Variants in RFX2 observed in about 807,000 individuals in gnomAD.
The protein encoded by RFX2 is regulatory factor X2.
RFX2 carries 20 observed loss-of-function variants against 87.8 expected under a neutral mutation model. That is an observed-to-expected ratio of 0.23 (90% CI 0.16 to 0.33). RFX2 has a LOEUF of 0.33. Ranked by LOEUF, RFX2 falls within the 10% of genes least tolerant of loss-of-function variation. RFX2 has a pLI of 1.00. For missense variants in RFX2, 767 were observed against 1,012.3 expected (o/e 0.76, Z 3.29); for synonymous variants, 397 against 431.3 (o/e 0.92, Z 0.98).
chr19:6,037,177 G>A (rs552804562), intron 5 of RFX2, among the ~76,000 whole-genome samples: 3 of 151,940 alleles, frequency 2.0e-5, no homozygotes, highest in East Asian at 3.9e-4. Context: ...CCAGCTACTC[G>A]GGAGGCTGAG....
At position 6,024,746 on chromosome 19, in the gene RFX2, GT is replaced by G. The variant is rs1176554187; in HGVS notation, c.597+1416del. Among the ~76,000 whole-genome samples the G allele has an allele frequency of 6.6e-6, 1 of 151,510 alleles. No individual in the cohort carries two copies. The highest frequency in any genetic ancestry group is 1.5e-5 in the Non-Finnish European group (1 of 67,970). On this transcript the variant is annotated intron_variant, in intron 6 of 17. Transcript: ENST00000303657. This position sits in a 1 kb window ranked among gnomAD's most constrained non-coding sequence, Gnocchi z 5.0. ...GGACGGGAGTGAGGACGGGATCACG[GT>G]GAGGACGGGAGTGAGGACGGGATCA...
At chr19:6,032,571 G>T (rs1407451774) in intron 5 of RFX2, among the ~76,000 whole-genome samples, 1 of 152,214 alleles carries the variant, frequency 6.6e-6, no homozygotes, top group Non-Finnish European at 1.5e-5. Flanking sequence ...GGGCTGAGAG[G>T]CTGGGGGAGG....
intron 13 of RFX2, among the ~76,000 whole-genome samples, chr19:6,003,760 C>T (rs1369053836): frequency 8.7e-6 from 1 of 114,506 alleles, no homozygotes; most frequent in Non-Finnish European, 1.6e-5. Flanking sequence ...GCCTGGGCGA[C>T]AGAGTGAGAC....
chr19:6,008,357 T>C, intron 9 of RFX2, 133 bp from the exon 10 acceptor site: 2 of 487,088 alleles, frequency 4.1e-6, no homozygotes, highest in Admixed American at 3.7e-5. Flanking sequence ...AATTTGTTTT[T>C]TCTTTCTTTT....
chr19:6,038,396 G>A (rs1003896876), intron 5 of RFX2, among the ~76,000 whole-genome samples: 2 of 147,746 alleles, frequency 1.4e-5, no homozygotes, highest in African/African-American at 5.0e-5. Context: ...AAGAAAACAG[G>A]AGAAAATCTT....
Position 6,014,390 on chromosome 19 carries a change from C to T in RFX2, c.780-1285G>A, listed in dbSNP as rs2086697593. ...TAGCTGGGATTACAGGTATGTGACACCATGCCTGGCTAATTTTTTTGTATT... is the reference window on the plus strand; with the variant it reads ...TAGCTGGGATTACAGGTATGTGACATCATGCCTGGCTAATTTTTTTGTATT... On this transcript the variant is annotated intron_variant, in intron 7 of 17. Transcript: ENST00000303657. Among the ~76,000 whole-genome samples the T allele has an allele frequency of 2.6e-5, 4 of 152,262 alleles. No individual in the cohort carries two copies. The South Asian group carries it at 8.3e-4, about 32-fold the overall frequency.
intron 1 of RFX2, among the ~76,000 whole-genome samples, chr19:6,100,604 G>A (rs1456743311): frequency 6.6e-6 from 1 of 152,088 alleles, no homozygotes; most frequent in Non-Finnish European, 1.5e-5. Context: ...AGAGAAGTAG[G>A]CTCATGCAGG....
intron 1 of RFX2, among the ~76,000 whole-genome samples, chr19:6,055,474 A>C (rs1219235369): frequency 6.6e-6 from 1 of 152,234 alleles, no homozygotes; most frequent in Non-Finnish European, 1.5e-5. Flanking sequence ...CTCAGGATAA[A>C]GTACAGTGGC....
In RFX2 at chr19:6,064,200, G is replaced by T. The variant is rs1187838008; in HGVS notation, c.-8-16696C>A. 6.6e-6 allele frequency among the ~76,000 whole-genome samples: 1 copy of T among 152,216 alleles called. No individual in the cohort carries two copies. Among genetic ancestry groups the T allele is most frequent in the Non-Finnish European group, 1.5e-5 (1 of 68,030 alleles). ...CCCGCCTGCTCCGGGCTGCTCACCTGTTCTAGCCACCTTCACCATGTTGGC... is the reference window on the plus strand; with the variant it reads ...CCCGCCTGCTCCGGGCTGCTCACCTTTTCTAGCCACCTTCACCATGTTGGC... On this transcript the variant is annotated intron_variant, in intron 1 of 17. Coordinates refer to ENST00000303657, the MANE Select transcript of RFX2 (RefSeq NM_000635.4). The surrounding 1 kb of genome is among the most constrained non-coding windows in gnomAD (Gnocchi z 4.8).
intron 1 of RFX2, among the ~76,000 whole-genome samples, chr19:6,052,298 A>C (rs145083977): frequency 0.011 from 1,685 of 152,332 alleles, 13 homozygotes; most frequent in Middle Eastern, 0.027. Flanking sequence ...ACTGCAGATA[A>C]AATTTCATCA....
intron 1 of RFX2, among the ~76,000 whole-genome samples, chr19:6,062,546 G>A (rs951329233): frequency 3.3e-5 from 5 of 152,218 alleles, no homozygotes; most frequent in East Asian, 1.9e-4. Context: ...CCCGACCTAC[G>A]TGGAGCTTCC....
At chr19:6,073,134 C>T (rs1006093381) in intron 1 of RFX2, 11 of 443,708 alleles carry the variant, frequency 2.5e-5, no homozygotes, top group African/African-American at 1.8e-4. Flanking sequence ...CTCCCACCAC[C>T]ATGCCTGGCT....
intron 1 of RFX2, chr19:6,073,520 G>A (rs1471419682): frequency 4.2e-6 from 3 of 708,950 alleles, no homozygotes; most frequent in South Asian, 2.0e-5. Flanking sequence ...GCGCAGTGAA[G>A]AAAATGAGTA....
rs1165088425 is a variant in RFX2 at position 5,998,616 on chromosome 19, G to C, written c.1860-1403C>G. Among the ~76,000 whole-genome samples the C allele has an allele frequency of 1.3e-5, 2 of 152,182 alleles. No homozygotes were observed. The highest frequency in any genetic ancestry group is 4.8e-5 in the African/African-American group (2 of 41,458). ...CCTCCTGTTCCTCCGGGCCCACCCA[G>C]GTTGGCTTCCAAGCCCCCTTTCCCC... On this transcript the variant is annotated intron_variant, in intron 15 of 17. Transcript: ENST00000303657. The surrounding 1 kb of genome is among the most constrained non-coding windows in gnomAD (Gnocchi z 4.2).
In RFX2 at chr19:6,063,927, T is replaced by C. The variant is rs561237653; in HGVS notation, c.-8-16423A>G. 6.8e-4 allele frequency among the ~76,000 whole-genome samples: 104 copies of C among 152,280 alleles called. No individual in the cohort carries two copies. Among genetic ancestry groups the C allele is most frequent in the African/African-American group, 2.4e-3 (100 of 41,554 alleles). ...AACCACACGTCTAAGGCCACACCTT[T>C]ACTCCACACAGCATTTCCAGATTCA... is the stretch of plus-strand genomic sequence containing the variant. On this transcript the variant is annotated intron_variant, in intron 1 of 17. Transcript: ENST00000303657. The surrounding 1 kb of genome is among the most constrained non-coding windows in gnomAD (Gnocchi z 4.0).
At chr19:6,084,643 C>CTTTTTTTTTTTTTTTTTT (rs57501118) in intron 1 of RFX2, among the ~76,000 whole-genome samples, 1 of 145,366 alleles carries the variant, frequency 6.9e-6, no homozygotes, top group African/African-American at 2.7e-5. Flanking sequence ...TTCTTTCTTT[C>CTTTTTTTTTTTTTTTTTT]TTTTTTTTGA....
intron 1 of RFX2, among the ~76,000 whole-genome samples, chr19:6,072,655 T>C (rs1404798508): frequency 6.6e-6 from 1 of 151,934 alleles, no homozygotes; most frequent in Non-Finnish European, 1.5e-5. Flanking sequence ...CAGTGAGCAA[T>C]GATTATACCA....
intron 12 of RFX2, 68 bp downstream of exon 12, chr19:6,006,944 G>A (rs776058698): frequency 3.0e-5 from 46 of 1,557,698 alleles, no homozygotes; most frequent in Non-Finnish European, 3.9e-5. Flanking sequence ...AGACGTACAT[G>A]TAAGAAAGGA....
At position 6,026,080 on chromosome 19, in the gene RFX2, T is replaced by G. The variant is rs1203010187; in HGVS notation, c.597+83A>C. On this transcript the variant is annotated intron_variant, in intron 6 of 17. Coordinates refer to ENST00000303657, the MANE Select transcript of RFX2 (RefSeq NM_000635.4). This position sits in a 1 kb window ranked among gnomAD's most constrained non-coding sequence, Gnocchi z 4.5. ...GATTACAGGTGTGAGCCACCGCACC[T>G]GGTTGCCTTCATTTGTCTTAAAAAT... is the stretch of plus-strand genomic sequence containing the variant. The G allele has an allele frequency of 9.2e-6, 11 of 1,200,956 alleles. No homozygotes were observed. Among genetic ancestry groups the G allele is most frequent in the Non-Finnish European group, 1.2e-5 (10 of 814,428 alleles). 74.4% of individuals were successfully genotyped at this position (1,200,956 alleles called of 1,614,324 possible). A position where few individuals can be genotyped will look rare whatever the true frequency, so the allele number is the denominator to read the frequency against.
Sources: allele counts gnomAD v4.1 joint callset (sites outside exome capture counted in the v4.1 genomes callset), GRCh38; gene constraint gnomAD v4.1.1; non-coding constraint Gnocchi (gnomAD v3.1); transcripts MANE v1.5; gene names NCBI Gene and HGNC (gene_info 2026-07-23, HGNC 2026-07-21).